UBE2D3: variants seen among roughly 807,000 people sequenced by gnomAD.
The protein encoded by UBE2D3 is ubiquitin conjugating enzyme E2 D3.
In UBE2D3, 2 loss-of-function variants were observed where a neutral mutation model predicts 22.8. The observed-to-expected ratio is 0.09, with a 90% CI of 0.04 to 0.28. UBE2D3 has a LOEUF of 0.28. UBE2D3 is among the 10% of genes least tolerant of loss of function. UBE2D3 has a pLI of 1.00. For synonymous variants in UBE2D3, 56 were observed against 60.4 expected, an observed-to-expected ratio of 0.93 and a Z score of 0.34; for missense variants, 27 against 182.5, an observed-to-expected ratio of 0.15 and a Z score of 4.91.
intron 4 of UBE2D3, 194 bp downstream of exon 4, chr4:102,809,478 A>G: frequency 1.6e-6 from 1 of 621,440 alleles, no homozygotes; most frequent in Non-Finnish European, 2.8e-6. Flanking sequence ...ACGTGAACAC[A>G]GGGATAGACA....
chr4:102,819,730 T>C, intron 2 of UBE2D3: 1 of 354,552 alleles, frequency 2.8e-6, no homozygotes, highest in Non-Finnish European at 3.9e-6. Context: ...TCATTTGTTA[T>C]CCCAATCTCT....
At chr4:102,846,923 C>T (rs982393417) in intron 1 of UBE2D3, among the ~76,000 whole-genome samples, 26 of 151,606 alleles carry the variant, frequency 1.7e-4, no homozygotes, top group African/African-American at 6.1e-4. Context: ...GGATTACAGG[C>T]ATGAGCTACC....
At chr4:102,864,033 TA>T (rs1299184222) in intron 1 of UBE2D3, among the ~76,000 whole-genome samples, 1 of 151,670 alleles carries the variant, frequency 6.6e-6, no homozygotes. Context: ...GATAATGAGG[TA>T]AAAAAAATGA....
chr4:102,853,598 TA>T (rs1186415730), intron 1 of UBE2D3, among the ~76,000 whole-genome samples: 1 of 152,170 alleles, frequency 6.6e-6, no homozygotes, highest in Admixed American at 6.5e-5. Context: ...TCTTTATTTT[TA>T]AAATGGAGAA....
intron 1 of UBE2D3, among the ~76,000 whole-genome samples, chr4:102,850,313 ACT>A (rs1444231544): frequency 6.6e-5 from 10 of 151,384 alleles, no homozygotes; most frequent in African/African-American, 2.4e-4. Flanking sequence ...ATACAGGGAC[ACT>A]CTGTGATAAA....
chr4:102,807,496 GAAA>G, intron 4 of UBE2D3, among the ~76,000 whole-genome samples: 1 of 152,118 alleles, frequency 6.6e-6, no homozygotes, highest in Non-Finnish European at 1.5e-5. Context: ...CTTTTTAACT[GAAA>G]ACATATTTCA....
intron 1 of UBE2D3, chr4:102,836,989 G>A (rs757521709): frequency 1.1e-4 from 16 of 152,314 alleles, no homozygotes; most frequent in Non-Finnish European, 1.9e-4. Context: ...TTTACTTTGC[G>A]AGATAGCAAA....
At chr4:102,804,179 G>A (rs1014451590) in intron 4 of UBE2D3, among the ~76,000 whole-genome samples, 2 of 152,064 alleles carry the variant, frequency 1.3e-5, no homozygotes, top group Non-Finnish European at 2.9e-5. Flanking sequence ...ACAAGACGCA[G>A]AATATCATCT....
At chr4:102,808,329 C>T (rs906733833) in intron 4 of UBE2D3, among the ~76,000 whole-genome samples, 1 of 152,002 alleles carries the variant, frequency 6.6e-6, no homozygotes, top group East Asian at 1.9e-4. Flanking sequence ...CATTTAACTG[C>T]GTGTATTAAA....
In UBE2D3 at chr4:102,810,089, A is replaced by G. The variant is rs1578237248; in HGVS notation, c.25-234T>C. The G allele has an allele frequency of 8.7e-6, 4 of 460,668 alleles. No individual in the cohort carries two copies. In the East Asian group the frequency reaches 1.5e-4, roughly 17 times the overall value. 28.5% of individuals were successfully genotyped at this position (460,668 alleles called of 1,614,324 possible). A position where few individuals can be genotyped will look rare whatever the true frequency, so the allele number is the denominator to read the frequency against. On this transcript the variant is annotated intron_variant, in intron 2 of 7. Transcript: ENST00000453744. ...CAAACACATTGATACAAAATTTTTT[A>G]TTTACATAAAAGCCAATCTCTTACA... is the stretch of plus-strand genomic sequence containing the variant.
intron 1 of UBE2D3, among the ~76,000 whole-genome samples, chr4:102,840,720 G>A (rs1219357609): frequency 6.6e-6 from 1 of 152,102 alleles, no homozygotes; most frequent in Non-Finnish European, 1.5e-5. Context: ...TAGGAGAGAA[G>A]ACTTGAAATG....
chr4:102,853,105 T>A (rs1732442948), intron 1 of UBE2D3, among the ~76,000 whole-genome samples: 1 of 150,574 alleles, frequency 6.6e-6, no homozygotes, highest in Admixed American at 6.6e-5. Context: ...AATTTGGCAA[T>A]ATCTGTCAAA....
At chr4:102,815,485 A>G (rs1041708607) in intron 2 of UBE2D3, among the ~76,000 whole-genome samples, 2 of 152,256 alleles carry the variant, frequency 1.3e-5, no homozygotes, top group African/African-American at 4.8e-5. Context: ...GACCTAGAAT[A>G]TAAACACCAT....
chr4:102,833,963 A>G (rs1560881141), intron 1 of UBE2D3, among the ~76,000 whole-genome samples: 2 of 152,230 alleles, frequency 1.3e-5, no homozygotes, highest in Non-Finnish European at 2.9e-5. Flanking sequence ...CCGAATAGGA[A>G]GAATTGACTG....
At chr4:102,813,538 A>G (rs1728361304) in intron 2 of UBE2D3, among the ~76,000 whole-genome samples, 1 of 152,188 alleles carries the variant, frequency 6.6e-6, no homozygotes, top group Non-Finnish European at 1.5e-5. Context: ...AAAGTAAGTA[A>G]AATAGGATAA....
At chr4:102,835,876 C>A (rs1417312065) in intron 1 of UBE2D3, among the ~76,000 whole-genome samples, 2 of 152,102 alleles carry the variant, frequency 1.3e-5, no homozygotes, top group African/African-American at 4.8e-5. Flanking sequence ...GTTCTTCCCC[C>A]ACCCCTCTGT....
intron 2 of UBE2D3, among the ~76,000 whole-genome samples, chr4:102,823,815 A>T (rs778108908): frequency 1.3e-5 from 2 of 152,276 alleles, no homozygotes; most frequent in African/African-American, 2.4e-5. Context: ...CAAAAGCTCG[A>T]TCAAATGGAC....
intron 1 of UBE2D3, among the ~76,000 whole-genome samples, chr4:102,859,717 T>C (rs1732789031): frequency 6.6e-6 from 1 of 151,918 alleles, no homozygotes; most frequent in African/African-American, 2.4e-5. Flanking sequence ...CTTTGTTCCT[T>C]TGACTGGATA....
rs781691048 is a variant in UBE2D3 at position 102,802,627 on chromosome 4, T to A, written c.132A>T (p.Pro44=). 1.3e-6 allele frequency: 2 copies of A among 1,595,700 alleles called. No homozygotes were observed. The highest frequency in any genetic ancestry group is 1.3e-5 in the African/African-American group (1 of 74,282). ...TCAAAAAGAATACACCGCCTTGATATGGGCTGTCATTCTGTAAAAAGAAAA... is the reference window on the plus strand; with the variant it reads ...TCAAAAAGAATACACCGCCTTGATAAGGGCTGTCATTCTGTAAAAAGAAAA... ...QATIMGPNDS[P]YQGGVFFLTI... The change falls in exon 5 of 8, where the codon CCA becomes CCT. Residue 44 remains proline, a synonymous_variant. Coordinates refer to ENST00000453744, the MANE Select transcript of UBE2D3 (RefSeq NM_181891.3).
Sources: gnomAD v4.1 joint callset for allele counts (sites outside exome capture counted in the v4.1 genomes callset) on GRCh38, gnomAD v4.1.1 for gene constraint, MANE v1.5 for transcripts, NCBI Gene and HGNC (gene_info 2026-07-23, HGNC 2026-07-21) for gene names.